The following KCNN2 variants were observed in gnomAD, a reference collection of about 807,000 sequenced individuals.
KCNN2 encodes the protein small conductance calcium-activated potassium channel protein 2.
Under a neutral mutation model 55.5 loss-of-function variants are expected in KCNN2, and 24 were observed. The observed-to-expected ratio is 0.43, with a 90% CI of 0.31 to 0.61. KCNN2 has a LOEUF of 0.61. KCNN2 is among the 20% of genes least tolerant of loss of function. The probability of loss-of-function intolerance (pLI) is 0.08; values close to 1 mark genes in which losing one functional copy is unlikely to be tolerated. For missense variants in KCNN2, 754 were observed against 853.6 expected, an observed-to-expected ratio of 0.88 and a Z score of 1.45; for synonymous variants, 431 against 336.1, an observed-to-expected ratio of 1.28 and a Z score of -3.09.
intron 1 of KCNN2, among the ~76,000 whole-genome samples, chr5:114,204,384 A>G (rs1160206437): frequency 6.6e-6 from 1 of 152,236 alleles, no homozygotes; most frequent in East Asian, 1.9e-4. Flanking sequence ...TCAATAAAAA[A>G]TAAAAAATAA....
chr5:114,354,588 T>C, intron 2 of KCNN2, among the ~76,000 whole-genome samples: 1 of 152,270 alleles, frequency 6.6e-6, no homozygotes, highest in East Asian at 1.9e-4. Context: ...TGATGATGTC[T>C]TAACCTCTGA....
intron 6 of KCNN2, among the ~76,000 whole-genome samples, chr5:114,490,469 G>A (rs1010783317): frequency 6.6e-6 from 1 of 152,158 alleles, no homozygotes; most frequent in Non-Finnish European, 1.5e-5. Context: ...GAAGCTGAGT[G>A]CTTACAGATG....
chr5:114,191,775 T>C (rs1753455651), intron 1 of KCNN2, among the ~76,000 whole-genome samples: 1 of 152,158 alleles, frequency 6.6e-6, no homozygotes, highest in Admixed American at 6.6e-5. Context: ...CTTGGAACCC[T>C]GCATTTCCAT....
intron 3 of KCNN2, among the ~76,000 whole-genome samples, chr5:114,462,206 A>G (rs779351955): frequency 2.0e-5 from 3 of 152,194 alleles, no homozygotes; most frequent in Non-Finnish European, 2.9e-5. Context: ...TCACGGGCAC[A>G]GAGGGTTACT....
At chr5:114,143,166 A>G (rs1428396418) in intron 1 of KCNN2, among the ~76,000 whole-genome samples, 2 of 152,192 alleles carry the variant, frequency 1.3e-5, no homozygotes, top group Non-Finnish European at 2.9e-5. Flanking sequence ...GATTAGTAAG[A>G]AATTTAGGGT....
chr5:114,061,076 G>A (rs1025574570), intron 1 of KCNN2, among the ~76,000 whole-genome samples: 2 of 152,184 alleles, frequency 1.3e-5, no homozygotes, highest in Admixed American at 6.5e-5. Context: ...GAATAATAGT[G>A]AGGATTCAGA....
intron 3 of KCNN2, among the ~76,000 whole-genome samples, chr5:114,409,616 G>A (rs1045336678): frequency 6.6e-6 from 1 of 152,140 alleles, no homozygotes. Context: ...TATCTAAAAA[G>A]AGACTTAGAT....
At chr5:114,388,420 G>C (rs1280654929) in intron 2 of KCNN2, among the ~76,000 whole-genome samples, 19 of 152,152 alleles carry the variant, frequency 1.2e-4, no homozygotes, top group Admixed American at 1.2e-3. Flanking sequence ...TCTGTACAGT[G>C]TAACAATCTT....
At chr5:114,285,740 C>T (rs1755731476) in intron 2 of KCNN2, among the ~76,000 whole-genome samples, 2 of 152,050 alleles carry the variant, frequency 1.3e-5, no homozygotes, top group South Asian at 4.1e-4. Context: ...CTTTAAACTG[C>T]TACTGTAGAG....
chr5:114,106,953 C>G (rs1284285388), intron 1 of KCNN2, among the ~76,000 whole-genome samples: 1 of 151,982 alleles, frequency 6.6e-6, no homozygotes, highest in East Asian at 1.9e-4. Flanking sequence ...TTGGCAGTTA[C>G]AAGGTCATGA....
Position 114,362,523 on chromosome 5 carries a change from C to G in KCNN2, c.384C>G (p.Ser128Arg). The G allele has an allele frequency of 1.9e-6, 1 of 522,998 alleles. No homozygotes were observed. Among genetic ancestry groups the G allele is most frequent in the Non-Finnish European group, 3.3e-6 (1 of 304,878 alleles). 32.4% of individuals were successfully genotyped at this position (522,998 alleles called of 1,614,324 possible). ...GCCGGGGCAGCCAGCTCAATGTGAG[C>G]GAGCTGACGCCGTCCAGCCATGCCA... ...SSRRGSQLNVSELTPSSHASA... is the reference protein window; with the variant it reads ...SSRRGSQLNVRELTPSSHASA... The change falls in exon 1 of 8, where the codon AGC becomes AGG. Residue 128 changes from serine (S) to arginine (R), a missense_variant. This residue lies in a region of KCNN2 where 381 missense variants were observed against 259.1 expected (regional missense o/e 1.47). Coordinates refer to ENST00000673685, the MANE Select transcript of KCNN2 (RefSeq NM_021614.4).
At chr5:114,138,012 G>A (rs867817860) in intron 1 of KCNN2, among the ~76,000 whole-genome samples, 3 of 151,974 alleles carry the variant, frequency 2.0e-5, no homozygotes, top group Non-Finnish European at 4.4e-5. Flanking sequence ...TCAACCTGAG[G>A]TATTTACCAG....
At chr5:114,101,063 C>G (rs992772095) in intron 1 of KCNN2, among the ~76,000 whole-genome samples, 1 of 151,816 alleles carries the variant, frequency 6.6e-6, no homozygotes, top group Non-Finnish European at 1.5e-5. Flanking sequence ...ATTATTATAA[C>G]TTTTATTTCT....
upstream of KCNN2, among the ~76,000 whole-genome samples, chr5:114,358,335 GAA>G (rs954767493): frequency 6.6e-6 from 1 of 152,118 alleles, no homozygotes; most frequent in African/African-American, 2.4e-5. Flanking sequence ...CCTGTGGTCT[GAA>G]AAAAGACATG....
chr5:114,126,243 T>C (rs537684252), intron 1 of KCNN2, among the ~76,000 whole-genome samples: 1 of 152,198 alleles, frequency 6.6e-6, no homozygotes, highest in South Asian at 2.1e-4. Flanking sequence ...CTGAATAAGG[T>C]CACTATATTA....
intron 1 of KCNN2, among the ~76,000 whole-genome samples, chr5:114,104,516 A>T (rs1751439346): frequency 1.3e-5 from 2 of 151,962 alleles, no homozygotes; most frequent in Admixed American, 1.3e-4. Flanking sequence ...TGTTGATTTT[A>T]GAAGTGTCCC....
intron 2 of KCNN2, among the ~76,000 whole-genome samples, chr5:114,289,069 A>G (rs951121958): frequency 1.3e-5 from 2 of 152,186 alleles, no homozygotes; most frequent in African/African-American, 4.8e-5. Flanking sequence ...GTGGATATAC[A>G]GTTTTACCAG....
chr5:114,422,137 C>T (rs998372977), intron 3 of KCNN2, among the ~76,000 whole-genome samples: 2 of 152,128 alleles, frequency 1.3e-5, no homozygotes, highest in Non-Finnish European at 2.9e-5. Flanking sequence ...AATCAGAAAG[C>T]GAACTTGTGC....
rs141854190 is a variant in KCNN2, at chr5:114,369,751, G to A, written c.1218+5750G>A. ...GTGTAAAGATCTCTGCATTATTAAT[G>A]GGTGTAACGCTAAATAAAGCTATCC... On this transcript the variant is annotated intron_variant, in intron 2 of 7. Coordinates refer to ENST00000673685, the MANE Select transcript of KCNN2 (RefSeq NM_021614.4). Among the ~76,000 whole-genome samples the A allele has an allele frequency of 1.4e-4, 22 of 152,216 alleles. No homozygotes were observed. In the East Asian group the frequency reaches 4.1e-3, roughly 28 times the overall value.
Sources: gnomAD v4.1 joint callset for allele counts (sites outside exome capture counted in the v4.1 genomes callset) on GRCh38, gnomAD v4.1.1 for gene constraint, gnomAD v4.1.1 regional missense constraint, MANE v1.5 for transcripts, NCBI Gene and HGNC (gene_info 2026-07-23, HGNC 2026-07-21) for gene names.